The following SHROOM2 variants were observed in gnomAD, a reference collection of about 807,000 sequenced individuals.
SHROOM2 encodes the protein protein Shroom2.
Under a neutral mutation model 75.9 loss-of-function variants are expected in SHROOM2, and 33 were observed. That is an observed-to-expected ratio of 0.43 (90% confidence interval 0.33 to 0.58). The LOEUF is 0.58. Ranked by LOEUF, SHROOM2 falls within the 20% of genes least tolerant of loss-of-function variation. The probability of loss-of-function intolerance (pLI) is 0.04; values close to 1 mark genes in which losing one functional copy is unlikely to be tolerated. For missense variants in SHROOM2, 1,434 were observed against 1,461.2 expected (o/e 0.98, Z 0.30); for synonymous variants, 655 against 663.6 (o/e 0.99, Z 0.20).
intron 1 of SHROOM2, among the ~76,000 whole-genome samples, chrX:9,797,868 G>T (rs1304778325): frequency 8.9e-6 from 1 of 112,113 alleles, no homozygotes; most frequent in Non-Finnish European, 1.9e-5. Flanking sequence ...CTTCCTCCTG[G>T]TGGTGGTGTC....
chrX:9,877,357 G>C (rs2084206473), intron 2 of SHROOM2, among the ~76,000 whole-genome samples: 1 of 111,332 alleles, frequency 9.0e-6, no homozygotes, highest in African/African-American at 3.3e-5. Context: ...TGGCATCCAC[G>C]GCCCGAGATG....
At chrX:9,815,407 A>G (rs1418431439) in intron 1 of SHROOM2, among the ~76,000 whole-genome samples, 2 of 103,450 alleles carry the variant, frequency 1.9e-5, no homozygotes, top group Admixed American at 2.2e-4. Flanking sequence ...CTAGAGTGAC[A>G]GAACTAATAG....
chrX:9,903,361 A>C (rs1450803113), intron 5 of SHROOM2, among the ~76,000 whole-genome samples: 2 of 111,806 alleles, frequency 1.8e-5, no homozygotes, highest in African/African-American at 3.3e-5. Context: ...TTGATCTTGG[A>C]ATTTTGTCAG....
intron 1 of SHROOM2, among the ~76,000 whole-genome samples, chrX:9,846,329 C>G (rs1184049912): frequency 9.0e-5 from 10 of 111,449 alleles, no homozygotes; most frequent in African/African-American, 3.3e-4. Context: ...GAGTCTCGCT[C>G]TGTCACCCAG....
chrX:9,875,098 AAAAAAAAAAAAAG>A (rs2084192306), intron 2 of SHROOM2, among the ~76,000 whole-genome samples: 1 of 99,648 alleles, frequency 1.0e-5, no homozygotes, highest in African/African-American at 3.5e-5. Flanking sequence ...AAAAAAAAAA[AAAAAAAAAAAAAG>A]GGGAGGAAGG....
chrX:9,907,267 A>C (rs1333749690), intron 5 of SHROOM2, among the ~76,000 whole-genome samples: 3 of 111,065 alleles, frequency 2.7e-5, no homozygotes, highest in Non-Finnish European at 5.7e-5. Context: ...TACCAGGCAC[A>C]GGTAGTTTTA....
At chrX:9,917,072 G>A (rs896727694) in intron 5 of SHROOM2, among the ~76,000 whole-genome samples, 1 of 111,584 alleles carries the variant, frequency 9.0e-6, no homozygotes, top group Non-Finnish European at 1.9e-5. Flanking sequence ...CCTAGGAGGT[G>A]TAGACATCCA....
intron 1 of SHROOM2, among the ~76,000 whole-genome samples, chrX:9,815,658 G>T (rs1158096222): frequency 9.2e-6 from 1 of 108,834 alleles, no homozygotes; most frequent in East Asian, 2.8e-4. Context: ...CCCACAGTAG[G>T]CCATCTGCAA....
At chrX:9,831,819 A>G (rs1259189922) in intron 1 of SHROOM2, among the ~76,000 whole-genome samples, 1 of 110,972 alleles carries the variant, frequency 9.0e-6, no homozygotes, top group Non-Finnish European at 1.9e-5. Context: ...GGGGCAACAG[A>G]GCTCTCTGGG....
At chrX:9,793,375 C>T (rs1473613745) in intron 1 of SHROOM2, among the ~76,000 whole-genome samples, 2 of 109,508 alleles carry the variant, frequency 1.8e-5, no homozygotes, top group Non-Finnish European at 3.8e-5. Context: ...CTGCAACCTC[C>T]ACCTCTGGGG....
intron 1 of SHROOM2, among the ~76,000 whole-genome samples, chrX:9,815,856 G>T (rs972799377): frequency 9.0e-6 from 1 of 111,461 alleles, no homozygotes; most frequent in African/African-American, 3.3e-5. Context: ...ACCAGATTAA[G>T]GGTGGATCTG....
intron 2 of SHROOM2, among the ~76,000 whole-genome samples, chrX:9,883,300 A>G (rs905571579): frequency 1.8e-5 from 2 of 111,935 alleles, no homozygotes; most frequent in Non-Finnish European, 3.8e-5. Context: ...TTTGAGAGGC[A>G]GATATAAACG....
chrX:9,916,120 T>G (rs2147037101), intron 5 of SHROOM2, among the ~76,000 whole-genome samples: 1 of 112,314 alleles, frequency 8.9e-6, no homozygotes, highest in African/African-American at 3.2e-5. Context: ...TTTTGCTAAT[T>G]AAAACCTTTT....
Position 9,911,718 on chromosome X carries a change from C to G in SHROOM2, c.2891+13428C>G, listed in dbSNP as rs753824200. ...GTCTTCCCTGAGTGCCTTGCACACA[C>G]TCAAAGTTCCGGAAACGCTTGTTAG... On this transcript the variant is annotated intron_variant, in intron 5 of 9. Transcript: ENST00000380913. Among the ~76,000 whole-genome samples the G allele has an allele frequency of 2.7e-5, 3 of 111,785 alleles. No homozygotes were observed. The Admixed American group carries it at 2.8e-4, about 11-fold the overall frequency.
intron 4 of SHROOM2, among the ~76,000 whole-genome samples, chrX:9,897,680 CAA>C (rs56026461): frequency 1.4e-5 from 1 of 70,604 alleles, no homozygotes; most frequent in Non-Finnish European, 2.5e-5. Context: ...GACCCTGTCT[CAA>C]AAAAAAAAAA....
At chrX:9,809,842 G>T (rs931684140) in intron 1 of SHROOM2, among the ~76,000 whole-genome samples, 13 of 111,051 alleles carry the variant, frequency 1.2e-4, no homozygotes, top group Admixed American at 3.8e-4. Context: ...CAATTTTTTT[G>T]TGTGTGTGTT....
Position 9,849,491 on chromosome X carries a change from G to A in SHROOM2, c.166-24161G>A, listed in dbSNP as rs761214532. The stretch of plus-strand genomic sequence containing the variant: ...CCTTGTGGCACTTGCTAAGCTGGGC[G>A]GGCGTGGCTAGGAGTTTGAGCAGTA... On this transcript the variant is annotated intron_variant, in intron 1 of 9. Coordinates refer to ENST00000380913, the MANE Select transcript of SHROOM2 (RefSeq NM_001649.4). Among the ~76,000 whole-genome samples the A allele has an allele frequency of 1.5e-3, 169 of 112,110 alleles. 1 individual carries two copies. The highest frequency in any genetic ancestry group is 4.8e-3 in the African/African-American group (149 of 30,889).
intron 5 of SHROOM2, chrX:9,913,274 T>G (rs967858893): frequency 8.9e-6 from 1 of 112,713 alleles, no homozygotes; most frequent in South Asian, 3.6e-4. Flanking sequence ...AAATCAGGTG[T>G]GCATGTTTAG....
At chrX:9,909,996 C>T (rs1212144641) in intron 5 of SHROOM2, among the ~76,000 whole-genome samples, 3 of 110,468 alleles carry the variant, frequency 2.7e-5, no homozygotes, top group African/African-American at 9.9e-5. Flanking sequence ...TTTATGAGGG[C>T]ACTAATCCCA....
Sources: allele counts gnomAD v4.1 joint callset (sites outside exome capture counted in the v4.1 genomes callset), GRCh38; gene constraint gnomAD v4.1.1; transcripts MANE v1.5; gene names NCBI Gene and HGNC (gene_info 2026-07-23, HGNC 2026-07-21).